CAMTA1: variants seen among roughly 807,000 people sequenced by gnomAD.
CAMTA1 encodes the protein calmodulin-binding transcription activator 1.
Under a neutral mutation model 170.9 loss-of-function variants are expected in CAMTA1, and 27 were observed. That is an observed-to-expected ratio of 0.16 (90% CI 0.12 to 0.22). CAMTA1 has a LOEUF of 0.22. CAMTA1 is among the 10% of genes least tolerant of loss of function. The pLI, the probability that CAMTA1 is intolerant of heterozygous loss-of-function variation, is 1.00. For synonymous variants in CAMTA1, 833 were observed against 891.5 expected (o/e 0.93, Z 1.17); for missense variants, 1,619 against 2,217.2 (o/e 0.73, Z 5.42).
chr1:7,659,438 G>A (rs1194759007), intron 7 of CAMTA1, among the ~76,000 whole-genome samples: 2 of 152,146 alleles, frequency 1.3e-5, no homozygotes, highest in Non-Finnish European at 2.9e-5. Flanking sequence ...GGAGGCTGAG[G>A]CAGAAGAATC....
At chr1:7,329,580 C>G (rs975766644) in intron 5 of CAMTA1, among the ~76,000 whole-genome samples, 1 of 152,120 alleles carries the variant, frequency 6.6e-6, no homozygotes, top group African/African-American at 2.4e-5. Flanking sequence ...TGAGACCTGA[C>G]AGCTGAAGGG....
intron 3 of CAMTA1, among the ~76,000 whole-genome samples, chr1:7,043,579 T>C (rs891858973): frequency 3.3e-5 from 5 of 152,212 alleles, no homozygotes; most frequent in Non-Finnish European, 7.3e-5. Flanking sequence ...CGTTGCAGAA[T>C]GGCTTCGACT....
intron 3 of CAMTA1, chr1:6,852,929 AT>A (rs1384970621): frequency 6.6e-6 from 1 of 152,152 alleles, no homozygotes; most frequent in Non-Finnish European, 1.5e-5. Flanking sequence ...ACCAGTCGCC[AT>A]TCTCCCGAGA....
Position 7,635,468 on chromosome 1 carries a change from G to A in CAMTA1, c.511-4932G>A, listed in dbSNP as rs1295610919. Reference sequence around the variant, plus strand: ...TAAAAAATACAAAACAATTAGCGGGGCACTGTGGCGGGCGCCTGTACTCCC... The same window carrying A: ...TAAAAAATACAAAACAATTAGCGGGACACTGTGGCGGGCGCCTGTACTCCC... On this transcript the variant is annotated intron_variant, in intron 6 of 22. Transcript: ENST00000303635. This position sits in a 1 kb window ranked among gnomAD's most constrained non-coding sequence, Gnocchi z 4.4. 6.6e-6 allele frequency among the ~76,000 whole-genome samples: 1 copy of A among 152,156 alleles called. No homozygotes were observed. The highest frequency in any genetic ancestry group is 2.1e-4 in the South Asian group (1 of 4,808).
intron 11 of CAMTA1, among the ~76,000 whole-genome samples, chr1:7,726,605 G>T (rs2096688681): frequency 6.6e-6 from 1 of 152,208 alleles, no homozygotes; most frequent in Admixed American, 6.5e-5. Context: ...TTATGCGTCT[G>T]TCATCCTCAT....
At chr1:7,606,100 AG>A (rs1300614316) in intron 6 of CAMTA1, among the ~76,000 whole-genome samples, 1 of 152,232 alleles carries the variant, frequency 6.6e-6, no homozygotes, top group Non-Finnish European at 1.5e-5. Context: ...CACTCTGGCA[AG>A]TCTGGGAGGA....
chr1:7,509,385 G>A (rs575365779), intron 6 of CAMTA1, among the ~76,000 whole-genome samples: 2 of 152,252 alleles, frequency 1.3e-5, no homozygotes, highest in Non-Finnish European at 2.9e-5. Context: ...GGGGTCGGGG[G>A]AGCCAGGATT....
At chr1:7,037,893 A>G (rs1703856826) in intron 3 of CAMTA1, among the ~76,000 whole-genome samples, 1 of 149,894 alleles carries the variant, frequency 6.7e-6, no homozygotes, top group African/African-American at 2.5e-5. Flanking sequence ...TGTTACTAGG[A>G]ATATATATAT....
chr1:7,664,994 A>G lies in CAMTA1; in HGVS notation c.2447A>G (p.Gln816Arg). The G allele has an allele frequency of 1.2e-6, 2 of 1,606,304 alleles. No homozygotes were observed. The highest frequency in any genetic ancestry group is 1.7e-6 in the Non-Finnish European group (2 of 1,176,174). Residue 816 changes from glutamine to arginine, a missense_variant, in exon 9 of 23, where the codon CAG becomes CGG. Coordinates refer to ENST00000303635, the MANE Select transcript of CAMTA1 (RefSeq NM_015215.4). ...SEDGARAPFT[Q>R]AEMCLPCCSP... ...GACGGGGCGCGGGCCCCCTTCACCCAGGCAGAGATGTGCCTCCCCTGCTGT... is the reference window on the plus strand; with the variant it reads ...GACGGGGCGCGGGCCCCCTTCACCCGGGCAGAGATGTGCCTCCCCTGCTGT...
At chr1:6,899,748 G>A (rs1676525264) in intron 3 of CAMTA1, among the ~76,000 whole-genome samples, 2 of 152,192 alleles carry the variant, frequency 1.3e-5, no homozygotes, top group African/African-American at 4.8e-5. Flanking sequence ...GAGGACTTAA[G>A]TTATATAAGG....
chr1:7,307,255 A>G (rs1675732896), intron 5 of CAMTA1, among the ~76,000 whole-genome samples: 1 of 152,048 alleles, frequency 6.6e-6, no homozygotes, highest in Admixed American at 6.5e-5. Flanking sequence ...ATTCATTGCT[A>G]GTATATAAAA....
chr1:7,262,771 C>T (rs565820458), intron 5 of CAMTA1, among the ~76,000 whole-genome samples: 2 of 152,206 alleles, frequency 1.3e-5, no homozygotes, highest in East Asian at 3.9e-4. Flanking sequence ...ACACCAGCAC[C>T]TAGCACAGTA....
intron 5 of CAMTA1, among the ~76,000 whole-genome samples, chr1:7,368,226 A>G (rs972529727): frequency 1.3e-5 from 2 of 149,950 alleles, no homozygotes; most frequent in Non-Finnish European, 3.0e-5. Context: ...CATTGGGTGC[A>G]GGCACTGGGC....
At chr1:7,468,286 C>T (rs2093258759) in intron 6 of CAMTA1, among the ~76,000 whole-genome samples, 1 of 152,132 alleles carries the variant, frequency 6.6e-6, no homozygotes, top group South Asian at 2.1e-4. Flanking sequence ...TTACAAGGCA[C>T]ATGTGGAAAA....
At chr1:7,084,942 C>T (rs1183019139) in intron 3 of CAMTA1, among the ~76,000 whole-genome samples, 1 of 152,294 alleles carries the variant, frequency 6.6e-6, no homozygotes, top group Admixed American at 6.5e-5. Flanking sequence ...ATTAAATTTT[C>T]TTCTCTTTTA....
chr1:6,927,923 C>T (rs891202017), intron 3 of CAMTA1, among the ~76,000 whole-genome samples: 11 of 152,224 alleles, frequency 7.2e-5, no homozygotes, highest in African/African-American at 4.8e-5. Context: ...CAGACTCCTA[C>T]GTACCCATCT....
At chr1:7,294,952 G>C (rs1182465538) in intron 5 of CAMTA1, among the ~76,000 whole-genome samples, 8 of 152,328 alleles carry the variant, frequency 5.3e-5, no homozygotes, top group African/African-American at 1.4e-4. Flanking sequence ...TGGTCTCCAA[G>C]ATCGTTCTGA....
intron 3 of CAMTA1, among the ~76,000 whole-genome samples, chr1:6,865,397 A>AG (rs1259378433): frequency 3.3e-5 from 5 of 152,082 alleles, no homozygotes; most frequent in Admixed American, 2.0e-4. Context: ...AGGGCTTGTG[A>AG]GTGAGCCTGT....
intron 5 of CAMTA1, among the ~76,000 whole-genome samples, chr1:7,434,991 G>A (rs1181161043): frequency 1.3e-5 from 2 of 152,100 alleles, no homozygotes; most frequent in Admixed American, 6.5e-5. Flanking sequence ...GGTTGAGGCT[G>A]CAGTGAGCTG....
Sources: gnomAD v4.1 joint callset for allele counts (sites outside exome capture counted in the v4.1 genomes callset) on GRCh38, gnomAD v4.1.1 for gene constraint, Gnocchi (gnomAD v3.1) non-coding constraint, MANE v1.5 for transcripts, NCBI Gene and HGNC (gene_info 2026-07-23, HGNC 2026-07-21) for gene names.